Variants in CDON observed in about 807,000 individuals in gnomAD.
CDON encodes the protein cell adhesion associated, oncogene regulated, also known as cell adhesion molecule-related/down-regulated by oncogenes.
In CDON, 73 loss-of-function variants were observed where a neutral mutation model predicts 120.9. The observed-to-expected ratio is 0.60, with a 90% CI of 0.50 to 0.73. The LOEUF (loss-of-function observed/expected upper bound fraction) is 0.73, where lower values mean the gene tolerates loss of function less well. CDON is among the 30% of genes least tolerant of loss of function. The pLI, the probability that CDON is intolerant of heterozygous loss-of-function variation, is 0.00. For missense variants in CDON, 1,470 were observed against 1,587.3 expected, an observed-to-expected ratio of 0.93 and a Z score of 1.26; for synonymous variants, 566 against 573.5, an observed-to-expected ratio of 0.99 and a Z score of 0.19.
At chr11:125,967,609 G>A (rs1158203240) in intron 18 of CDON, among the ~76,000 whole-genome samples, 6 of 152,158 alleles carry the variant, frequency 3.9e-5, no homozygotes, top group East Asian at 1.9e-4. Flanking sequence ...CCTTGATGTC[G>A]CATTGCTCTG....
chr11:126,028,242 C>T (rs1460633232), intron 1 of CDON, among the ~76,000 whole-genome samples: 3 of 152,010 alleles, frequency 2.0e-5, no homozygotes, highest in Non-Finnish European at 4.4e-5. Context: ...AGCATGTCAA[C>T]ATTCTGATGC....
intron 5 of CDON, 97 bp downstream of exon 5, chr11:126,018,232 TA>T: frequency 7.7e-7 from 1 of 1,299,312 alleles, no homozygotes; most frequent in Non-Finnish European, 1.1e-6. Flanking sequence ...CTTTTTATGA[TA>T]AACAAACAGG....
intron 11 of CDON, among the ~76,000 whole-genome samples, chr11:125,998,464 G>A (rs1418129169): frequency 6.6e-6 from 1 of 152,064 alleles, no homozygotes; most frequent in African/African-American, 2.4e-5. Flanking sequence ...CATGTGATGT[G>A]CCTGCTCTCG....
chr11:125,988,672 C>T (rs1159709657), intron 15 of CDON, among the ~76,000 whole-genome samples: 2 of 152,134 alleles, frequency 1.3e-5, no homozygotes, highest in South Asian at 2.1e-4. Context: ...TGGTTTTGCT[C>T]GTAAACATCT....
chr11:126,044,178 C>A (rs995162333), intron 1 of CDON, among the ~76,000 whole-genome samples: 2 of 152,196 alleles, frequency 1.3e-5, no homozygotes, highest in African/African-American at 4.8e-5. Context: ...ACACATACTG[C>A]ACAGATCCCA....
Position 126,015,395 on chromosome 11 carries a change from A to C in CDON, c.1044T>G (p.Asn348Lys). The change falls in exon 7 of 20, where the codon AAT becomes AAG. Residue 348 changes from asparagine (N) to lysine (K), a missense_variant. Physicochemically the swap from Asn to Lys is moderately conservative, Grantham distance 94. Transcript: ENST00000531738. The part of the protein sequence containing the change: ...NPAPNCTWFH[N>K]AQPIHPSARH... ...GTGCAGAAGGATGAATAGGCTGTGCATTGTGAAACCAGGTACAGTTGGGGG... is the reference window on the plus strand; with the variant it reads ...GTGCAGAAGGATGAATAGGCTGTGCCTTGTGAAACCAGGTACAGTTGGGGG... 6.2e-7 allele frequency: 1 copy of C among 1,614,184 alleles called. No individual in the cohort carries two copies. The highest frequency in any genetic ancestry group is 8.5e-7 in the Non-Finnish European group (1 of 1,180,024).
At chr11:126,023,996 T>C (rs1210866966) in intron 1 of CDON, among the ~76,000 whole-genome samples, 1 of 152,206 alleles carries the variant, frequency 6.6e-6, no homozygotes, top group Non-Finnish European at 1.5e-5. Context: ...ACAACAACCC[T>C]GTGAGACAGG....
At chr11:125,994,770 A>G in intron 13 of CDON, 101 bp downstream of exon 13, 1 of 1,049,212 alleles carries the variant, frequency 9.5e-7, no homozygotes, top group South Asian at 1.3e-5. Flanking sequence ...CTCAATTAAA[A>G]GTTCAAAATT....
intron 15 of CDON, 80 bp from the exon 16 acceptor site, chr11:125,984,173 G>C: frequency 2.0e-6 from 2 of 976,570 alleles, no homozygotes; most frequent in South Asian, 2.7e-5. Flanking sequence ...AAGGAGGTCT[G>C]GTTAGGAATG....
In CDON at chr11:125,958,335, T is replaced by C. The variant is rs930778330; in HGVS notation, c.*2607A>G. 6.6e-6 allele frequency: 1 copy of C among 152,070 alleles called. No individual in the cohort carries two copies. Among genetic ancestry groups the C allele is most frequent in the Non-Finnish European group, 1.5e-5 (1 of 68,046 alleles). The allele number at this position is 152,070 out of a possible 1,614,324, so 9.4% of individuals were successfully genotyped here. On this transcript the variant is annotated 3_prime_UTR_variant, in exon 20 of 20. Coordinates refer to ENST00000531738, the MANE Select transcript of CDON (RefSeq NM_001378964.1). The stretch of plus-strand genomic sequence containing the variant: ...TTTAATGCCAACTTTGTAGATGAGT[T>C]GTGGGGGTTAAATGAGTTAACAGTA...
At chr11:125,964,606 C>G (rs375821770) in intron 18 of CDON, among the ~76,000 whole-genome samples, 17 of 145,366 alleles carry the variant, frequency 1.2e-4, no homozygotes, top group South Asian at 8.9e-4. Flanking sequence ...AGGAGACAGA[C>G]CAAAAAAAAA....
intron 10 of CDON, among the ~76,000 whole-genome samples, chr11:126,002,202 C>T (rs1404808478): frequency 6.6e-6 from 1 of 152,102 alleles, no homozygotes; most frequent in Non-Finnish European, 1.5e-5. Context: ...TAAAACTCAC[C>T]ATTAAAGAGC....
intron 1 of CDON, among the ~76,000 whole-genome samples, chr11:126,051,652 C>CTTTTT (rs66575795): frequency 7.1e-6 from 1 of 139,960 alleles, no homozygotes; most frequent in Non-Finnish European, 1.5e-5. Context: ...TATTTTTTTT[C>CTTTTT]TTTTTTTTTT....
At position 126,017,238 on chromosome 11, in the gene CDON, G is replaced by T; in HGVS notation, c.778C>A (p.Gln260Lys). 6.2e-7 allele frequency: 1 copy of T among 1,614,138 alleles called. No individual in the cohort carries two copies. Among genetic ancestry groups the T allele is most frequent in the Non-Finnish European group, 8.5e-7 (1 of 1,180,042 alleles). The change falls in exon 6 of 20, where the codon CAG (glutamine) becomes AAG (lysine). Residue 260 changes from glutamine (Q) to lysine (K), a missense_variant. By Grantham distance (53) the Gln-to-Lys change is moderately conservative. Coordinates refer to ENST00000531738, the MANE Select transcript of CDON (RefSeq NM_001378964.1). ...CAGTTGCTTCCTGGTGCAATGTCCT[G>T]CCCGTCCTTTAGCCAATACACTTGA... The part of the protein sequence containing the change: ...APQVYWLKDG[Q>K]DIAPGSNWRR...
chr11:126,015,573 G>C (rs752500344), intron 6 of CDON, 63 bp from the exon 7 acceptor site: 14 of 1,535,364 alleles, frequency 9.1e-6, no homozygotes, highest in Non-Finnish European at 1.2e-5. Flanking sequence ...ATTATCACTC[G>C]AGTGATAAAA....
At chr11:125,980,913 C>A in intron 17 of CDON, 136 bp downstream of exon 17, 5 of 811,616 alleles carry the variant, frequency 6.2e-6, no homozygotes, top group Non-Finnish European at 1.0e-5. Flanking sequence ...CAAAGGGCTG[C>A]CAGTGATCCA....
At chr11:126,060,653 C>T (rs538916592) in intron 1 of CDON, among the ~76,000 whole-genome samples, 23 of 151,968 alleles carry the variant, frequency 1.5e-4, no homozygotes, top group African/African-American at 2.2e-4. Flanking sequence ...GGCAGATGGG[C>T]GAAGTGGGAA....
intron 1 of CDON, 126 bp downstream of exon 1, chr11:126,062,453 G>C (rs991050614): frequency 8.5e-5 from 13 of 152,084 alleles, no homozygotes; most frequent in African/African-American, 2.9e-4. Context: ...GCACCCCCAC[G>C]CCCTCCAGGG....
chr11:126,035,095 G>A (rs1407122439), intron 1 of CDON, among the ~76,000 whole-genome samples: 1 of 152,182 alleles, frequency 6.6e-6, no homozygotes, highest in South Asian at 2.1e-4. Context: ...ACTAACCTAA[G>A]TATAAGAGTT....
Sources: allele counts gnomAD v4.1 joint callset (sites outside exome capture counted in the v4.1 genomes callset), GRCh38; gene constraint gnomAD v4.1.1; transcripts MANE v1.5; gene names NCBI Gene and HGNC (gene_info 2026-07-23, HGNC 2026-07-21).